Variants in CATSPERD observed in about 807,000 individuals in gnomAD.
CATSPERD encodes the protein cation channel sperm-associated auxiliary subunit delta.
In CATSPERD, 86 loss-of-function variants were observed where a neutral mutation model predicts 98.1. The ratio of observed to expected loss-of-function variants is 0.88; its 90% CI spans 0.74 to 1.05. The LOEUF (loss-of-function observed/expected upper bound fraction) is 1.05, where lower values mean the gene tolerates loss of function less well. Among genes scored for constraint, CATSPERD ranks in the 50% least tolerant of loss-of-function variants. The pLI is 0.00. For missense variants in CATSPERD, 995 were observed against 1,005.7 expected (o/e 0.99, Z 0.14); for synonymous variants, 394 against 390.2 (o/e 1.01, Z -0.12).
chr19:5,727,141 G>C, intron 2 of CATSPERD, 127 bp from the exon 3 acceptor site: 3 of 650,520 alleles, frequency 4.6e-6, no homozygotes, highest in Non-Finnish European at 8.0e-6. Context: ...CTTGCAGTGA[G>C]CCAAGATTGT....
rs773822808 is a variant in CATSPERD, at chr19:5,723,458, A to ATTTT, written c.72-1329_72-1326dup. 3.0e-4 allele frequency among the ~76,000 whole-genome samples: 27 copies of ATTTT among 90,924 alleles called. 1 individual carries two copies. The highest frequency in any genetic ancestry group is 1.3e-3 in the East Asian group (3 of 2,332). 59.6% of individuals were successfully genotyped at this position (90,924 alleles called of 152,430 possible). A position where few individuals can be genotyped will look rare whatever the true frequency, so the allele number is the denominator to read the frequency against. ...AGGCGCCCGCCACCCTGCCCAGCTA[A>ATTTT]TTTTTTTTTTTTTTTTTTTTTTTTG... is the stretch of plus-strand genomic sequence containing the variant. On this transcript the variant is annotated intron_variant, in intron 1 of 21. Transcript: ENST00000381624.
intron 7 of CATSPERD, 77 bp from the exon 8 acceptor site, chr19:5,744,350 G>C: frequency 8.2e-7 from 1 of 1,215,982 alleles, no homozygotes; most frequent in East Asian, 2.4e-5. Context: ...TAACTTATTA[G>C]ATAATCTGAA....
chr19:5,757,557 A>C (rs1260224308), intron 13 of CATSPERD, among the ~76,000 whole-genome samples: 1 of 150,154 alleles, frequency 6.7e-6, no homozygotes, highest in Non-Finnish European at 1.5e-5. Context: ...TCGGCCTCCC[A>C]AAGTGCTGGA....
chr19:5,771,042 A>G lies in CATSPERD; in HGVS notation c.1733A>G (p.Tyr578Cys), dbSNP rs559683995. The change falls in exon 19 of 22, where the codon TAT becomes TGT. Residue 578 changes from tyrosine to cysteine, a missense_variant. Transcript: ENST00000381624. ...QQLGCPLLVY[Y>C]DTLWKPVVEL... ...CTGGGCTGTCCTCTCCTCGTCTACT[A>G]TGACACCCTATGGAAGCCCGTGGTG... 2 of 1,613,938 alleles carry G rather than the reference A, an allele frequency of 1.2e-6. No homozygotes were observed. Among genetic ancestry groups the G allele is most frequent in the Non-Finnish European group, 8.5e-7 (1 of 1,179,952 alleles).
intron 7 of CATSPERD, among the ~76,000 whole-genome samples, chr19:5,742,601 G>A (rs28661904): frequency 0.022 from 3,271 of 151,984 alleles, 121 homozygotes; most frequent in African/African-American, 0.075. Flanking sequence ...GGGGAACATA[G>A]TGAGACCCAC....
rs1421357773 is a variant in CATSPERD at position 5,723,812 on chromosome 19, T to C, written c.72-996T>C. On this transcript the variant is annotated intron_variant, in intron 1 of 21. Transcript: ENST00000381624. The stretch of plus-strand genomic sequence containing the variant: ...TTTTTTTGAGATGGAGTTTCACTCT[T>C]GTTGCCCGGGCTGGAGTGCAATGGT... Among the ~76,000 whole-genome samples the C allele has an allele frequency of 2.7e-5, 4 of 150,592 alleles. No individual in the cohort carries two copies. In the East Asian group the frequency reaches 7.9e-4, roughly 30 times the overall value.
chr19:5,728,328 A>G (rs1376278639), intron 3 of CATSPERD, among the ~76,000 whole-genome samples: 1 of 143,498 alleles, frequency 7.0e-6, no homozygotes, highest in Non-Finnish European at 1.5e-5. Context: ...ACTGCACTCC[A>G]GCCTGGCGAC....
chr19:5,747,904 G>C (rs1201837410), intron 9 of CATSPERD, among the ~76,000 whole-genome samples: 1 of 152,098 alleles, frequency 6.6e-6, no homozygotes, highest in African/African-American at 2.4e-5. Context: ...GCACCCCCGC[G>C]CCTGGCAGAA....
chr19:5,766,288 T>TTAAAA, intron 17 of CATSPERD, 133 bp downstream of exon 17: 2 of 195,850 alleles, frequency 1.0e-5, no homozygotes, highest in Non-Finnish European at 1.7e-5. Context: ...CCGTCTCTAC[T>TTAAAA]GAAAAAAAAA....
chr19:5,756,431 C>G (rs527509045), intron 13 of CATSPERD, among the ~76,000 whole-genome samples: 1 of 152,046 alleles, frequency 6.6e-6, no homozygotes, highest in Admixed American at 6.6e-5. Flanking sequence ...GTGAATCTAC[C>G]GAAAGCCACT....
Position 5,778,425 on chromosome 19 carries a change from C to T in CATSPERD, c.2146C>T (p.Pro716Ser), listed in dbSNP as rs772783692. The T allele has an allele frequency of 1.1e-5, 18 of 1,613,748 alleles. No homozygotes were observed. Among genetic ancestry groups the T allele is most frequent in the Non-Finnish European group, 1.4e-5 (17 of 1,180,014 alleles). ...IFSIYVYGAF[P>S]VQLVSAGVVI... ...TAGCATCTACGTGTATGGAGCATTC[C>T]CCGTGCAGCTGGTCTCTGCTGGAGT... Residue 716 changes from proline (P) to serine (S), a missense_variant, in exon 22 of 22, where the codon CCC becomes TCC. Physicochemically the swap from Pro to Ser is moderately conservative, Grantham distance 74. Transcript: ENST00000381624.
intron 8 of CATSPERD, 100 bp downstream of exon 8, chr19:5,744,610 AT>A (rs889433824): frequency 6.7e-4 from 522 of 776,542 alleles, no homozygotes; most frequent in East Asian, 1.9e-3. Flanking sequence ...TATTTATTTA[AT>A]TTTTTTTTAG....
chr19:5,766,802 C>T (rs1277865771), intron 17 of CATSPERD, among the ~76,000 whole-genome samples: 1 of 151,320 alleles, frequency 6.6e-6, no homozygotes, highest in Non-Finnish European at 1.5e-5. Context: ...AAGTGATTCT[C>T]CTGCCTCAGC....
chr19:5,737,776 G>A (rs2055877923), intron 6 of CATSPERD, among the ~76,000 whole-genome samples: 1 of 151,340 alleles, frequency 6.6e-6, no homozygotes, highest in South Asian at 2.1e-4. Context: ...CTTGAGCCTG[G>A]GAGGCGGAGG....
intron 18 of CATSPERD, among the ~76,000 whole-genome samples, chr19:5,770,385 G>T (rs2056622627): frequency 6.8e-6 from 1 of 147,286 alleles, no homozygotes; most frequent in Non-Finnish European, 1.5e-5. Flanking sequence ...AGCTGAGATT[G>T]CACCACTGTG....
intron 1 of CATSPERD, among the ~76,000 whole-genome samples, chr19:5,722,398 GGC>G (rs2055506803): frequency 6.6e-6 from 1 of 152,200 alleles, no homozygotes; most frequent in South Asian, 2.1e-4. Context: ...TGGGCTTACA[GGC>G]GTGTGCCACC....
intron 20 of CATSPERD, among the ~76,000 whole-genome samples, chr19:5,774,209 G>A (rs187001457): frequency 0.018 from 2,691 of 151,384 alleles, 42 homozygotes; most frequent in Middle Eastern, 0.034. Flanking sequence ...CTTGTGATCC[G>A]CCCGCCTCGG....
At chr19:5,722,290 T>C (rs1735214351) in intron 1 of CATSPERD, among the ~76,000 whole-genome samples, 1 of 151,976 alleles carries the variant, frequency 6.6e-6, no homozygotes, top group Admixed American at 6.6e-5. Flanking sequence ...TGCAGCTAAT[T>C]TTTTGTGTTT....
At chr19:5,743,012 AGGATCTTGAGGCTGGGCTCGAT>A (rs1287203298) in intron 7 of CATSPERD, among the ~76,000 whole-genome samples, 1 of 152,060 alleles carries the variant, frequency 6.6e-6, no homozygotes, top group African/African-American at 2.4e-5. Context: ...GATTAAATTA[AGGATCTTGAGGCTGGGCTCGAT>A]GGCTCACGCC....
Sources: allele counts gnomAD v4.1 joint callset (sites outside exome capture counted in the v4.1 genomes callset), GRCh38; gene constraint gnomAD v4.1.1; transcripts MANE v1.5; gene names NCBI Gene and HGNC (gene_info 2026-07-23, HGNC 2026-07-21).